Variants in KIAA1328 observed in about 807,000 individuals in gnomAD.
KIAA1328 encodes the protein protein hinderin.
In KIAA1328, 52 loss-of-function variants were observed where a neutral mutation model predicts 68.1. The observed-to-expected ratio is 0.76, with a 90% CI of 0.61 to 0.96. The LOEUF (loss-of-function observed/expected upper bound fraction) is 0.96. KIAA1328 is among the 40% of genes least tolerant of loss of function. The pLI is 0.00. For synonymous variants in KIAA1328, 232 were observed against 239.4 expected (o/e 0.97, Z 0.28); for missense variants, 641 against 677.6 (o/e 0.95, Z 0.60).
intron 9 of KIAA1328, among the ~76,000 whole-genome samples, chr18:37,197,471 A>G (rs2060025750): frequency 6.6e-6 from 1 of 152,264 alleles, no homozygotes; most frequent in African/African-American, 2.4e-5. Flanking sequence ...TTTCCATTCC[A>G]TATATGGGAT....
At chr18:36,895,699 G>T in intron 5 of KIAA1328, 10 of 454,454 alleles carry the variant, frequency 2.2e-5, no homozygotes, top group Non-Finnish European at 4.4e-5. Context: ...ACTGAATTGT[G>T]TCCCTTCAAA....
At chr18:37,168,920 CAG>C (rs1049199722) in intron 8 of KIAA1328, among the ~76,000 whole-genome samples, 29 of 151,332 alleles carry the variant, frequency 1.9e-4, no homozygotes, top group South Asian at 1.3e-3. Flanking sequence ...GGCCCAGAAA[CAG>C]AGTTTTCTTA....
At chr18:37,110,542 A>G (rs1036612238) in intron 7 of KIAA1328, among the ~76,000 whole-genome samples, 6 of 152,232 alleles carry the variant, frequency 3.9e-5, no homozygotes, top group Non-Finnish European at 5.9e-5. Flanking sequence ...TTAGATAACT[A>G]TAGCTTCCAT....
chr18:36,837,196 C>A (rs974002415), intron 3 of KIAA1328, among the ~76,000 whole-genome samples: 2 of 152,068 alleles, frequency 1.3e-5, no homozygotes, highest in Admixed American at 1.3e-4. Context: ...GTGGTTACAC[C>A]ATGTTACATT....
chr18:37,209,267 A>AG (rs1236875859), intron 9 of KIAA1328, among the ~76,000 whole-genome samples: 1 of 152,180 alleles, frequency 6.6e-6, no homozygotes, highest in Admixed American at 6.6e-5. Context: ...TGCCCACGGA[A>AG]GGTGCTGAGC....
At chr18:37,120,469 G>A (rs1177111427) in intron 7 of KIAA1328, among the ~76,000 whole-genome samples, 1 of 152,160 alleles carries the variant, frequency 6.6e-6, no homozygotes, top group Non-Finnish European at 1.5e-5. Context: ...GATGAGAAGA[G>A]ATGAGTAATT....
At chr18:36,874,156 A>G (rs989217921) in intron 4 of KIAA1328, among the ~76,000 whole-genome samples, 4 of 152,210 alleles carry the variant, frequency 2.6e-5, no homozygotes, top group African/African-American at 4.8e-5. Context: ...ATATGTGTGC[A>G]TGTGTCTTTA....
chr18:37,001,892 A>G (rs2053598227), intron 6 of KIAA1328, among the ~76,000 whole-genome samples: 1 of 152,178 alleles, frequency 6.6e-6, no homozygotes, highest in South Asian at 2.1e-4. Flanking sequence ...ACCCTAGGCT[A>G]AAATCATATT....
chr18:36,883,718 A>G (rs2048395263), intron 4 of KIAA1328, among the ~76,000 whole-genome samples: 1 of 151,636 alleles, frequency 6.6e-6, no homozygotes, highest in Non-Finnish European at 1.5e-5. Flanking sequence ...ATACAACATC[A>G]CTCATTTCTT....
At chr18:36,888,397 GAT>G (rs2048571990) in intron 5 of KIAA1328, among the ~76,000 whole-genome samples, 1 of 152,164 alleles carries the variant, frequency 6.6e-6, no homozygotes, top group Non-Finnish European at 1.5e-5. Context: ...GAAAGGAAAA[GAT>G]ATGTGAGTAA....
At chr18:36,846,939 C>G (rs988036636) in intron 4 of KIAA1328, among the ~76,000 whole-genome samples, 3 of 151,440 alleles carry the variant, frequency 2.0e-5, no homozygotes, top group Non-Finnish European at 4.4e-5. Context: ...CCTCCTCATT[C>G]TCCTTTCCCT....
intron 5 of KIAA1328, among the ~76,000 whole-genome samples, chr18:36,913,926 C>A (rs1483752297): frequency 6.6e-6 from 1 of 152,032 alleles, no homozygotes; most frequent in Admixed American, 6.6e-5. Flanking sequence ...GTGATTTTAT[C>A]TTTTGGAATT....
intron 6 of KIAA1328, among the ~76,000 whole-genome samples, chr18:37,048,669 C>T (rs761413769): frequency 7.2e-5 from 11 of 152,096 alleles, no homozygotes; most frequent in Non-Finnish European, 1.6e-4. Flanking sequence ...CTGATCTAAA[C>T]TAAAAAGCCA....
At chr18:36,899,105 T>A (rs1203201680) in intron 5 of KIAA1328, among the ~76,000 whole-genome samples, 1 of 151,988 alleles carries the variant, frequency 6.6e-6, no homozygotes. Flanking sequence ...AAGTTTGATG[T>A]CACCTGTGGG....
intron 7 of KIAA1328, among the ~76,000 whole-genome samples, chr18:37,098,821 G>T (rs1370411725): frequency 6.6e-6 from 1 of 152,172 alleles, no homozygotes; most frequent in Admixed American, 6.5e-5. Flanking sequence ...ATGTGTCGAG[G>T]AATTTATCCA....
chr18:36,877,210 A>C (rs1014716122), intron 4 of KIAA1328, among the ~76,000 whole-genome samples: 5 of 152,160 alleles, frequency 3.3e-5, no homozygotes, highest in Non-Finnish European at 7.3e-5. Context: ...TCCAGAGCTG[A>C]GTTCAAGTCC....
rs1319801672 is a variant in KIAA1328 at position 36,962,562 on chromosome 18, T to A, written c.576+3127T>A. On this transcript the variant is annotated intron_variant, in intron 6 of 9. Coordinates refer to ENST00000280020, the MANE Select transcript of KIAA1328 (RefSeq NM_020776.3). ...CATGCTTATTCTAAAATTGACTACG[T>A]AATTGGAAGTAAAGCACTCCTCAGC... 2.6e-5 allele frequency among the ~76,000 whole-genome samples: 4 copies of A among 152,172 alleles called. No homozygotes were observed. The East Asian group carries it at 7.7e-4, about 29-fold the overall frequency.
At chr18:36,892,138 T>G (rs943651577) in intron 5 of KIAA1328, among the ~76,000 whole-genome samples, 2 of 151,978 alleles carry the variant, frequency 1.3e-5, no homozygotes, top group Non-Finnish European at 2.9e-5. Context: ...TGTTAGACTT[T>G]TAACAAGGAT....
intron 6 of KIAA1328, among the ~76,000 whole-genome samples, chr18:36,993,053 C>T (rs1456952759): frequency 6.6e-6 from 1 of 152,094 alleles, no homozygotes; most frequent in Admixed American, 6.5e-5. Flanking sequence ...GTAGTGTGAG[C>T]TGAGATCGTA....
Sources: allele counts gnomAD v4.1 joint callset (sites outside exome capture counted in the v4.1 genomes callset), GRCh38; gene constraint gnomAD v4.1.1; transcripts MANE v1.5; gene names NCBI Gene and HGNC (gene_info 2026-07-23, HGNC 2026-07-21).